The following MCU variants were observed in gnomAD, a reference collection of about 807,000 sequenced individuals.
The protein encoded by MCU is mitochondrial calcium uniporter.
MCU carries 12 observed loss-of-function variants against 45.2 expected under a neutral mutation model. The observed-to-expected ratio is 0.27, with a 90% CI of 0.17 to 0.43. MCU has a LOEUF of 0.43. Among genes scored for constraint, MCU ranks in the 20% least tolerant of loss-of-function variants. The pLI, the probability that MCU is intolerant of heterozygous loss-of-function variation, is 1.00. For missense variants in MCU, 324 were observed against 436.7 expected (o/e 0.74, Z 2.30); for synonymous variants, 160 against 165.1 (o/e 0.97, Z 0.24).
chr10:72,810,329 T>C (rs963665730), intron 1 of MCU, among the ~76,000 whole-genome samples: 1 of 152,006 alleles, frequency 6.6e-6, no homozygotes, highest in Non-Finnish European at 1.5e-5. Context: ...AGGTGACGTC[T>C]TTGACTGAGA....
intron 1 of MCU, among the ~76,000 whole-genome samples, chr10:72,711,581 A>G (rs1458262838): frequency 6.7e-6 from 1 of 149,992 alleles, no homozygotes. Context: ...ACAGTGGCTC[A>G]TACTTATAAT....
chr10:72,725,555 A>G (rs902823520), intron 1 of MCU, among the ~76,000 whole-genome samples: 4 of 152,022 alleles, frequency 2.6e-5, no homozygotes, highest in African/African-American at 4.8e-5. Context: ...GATTACAGGT[A>G]TGAGCCATTG....
intron 4 of MCU, among the ~76,000 whole-genome samples, chr10:72,863,259 C>T (rs1349763701): frequency 6.6e-6 from 1 of 152,202 alleles, no homozygotes; most frequent in East Asian, 1.9e-4. Flanking sequence ...AATGATTAAT[C>T]TCTTCTCTGA....
At chr10:72,733,991 G>GA (rs566787455) in intron 1 of MCU, among the ~76,000 whole-genome samples, 177 of 152,120 alleles carry the variant, frequency 1.2e-3, no homozygotes, top group African/African-American at 3.9e-3. Flanking sequence ...GTCCAAGAAG[G>GA]AAAGAAAAAC....
In MCU at chr10:72,760,715, TC is replaced by T. The variant is rs200251094; in HGVS notation, c.150+68415del. ...TGGTTACTTAAATTTTTTTTTTCTT[TC>T]TTTTTTTTTTTTTTTTTGCAGAGAC... On this transcript the variant is annotated intron_variant, in intron 1 of 7. Transcript: ENST00000373053. 2.8e-3 allele frequency: 398 copies of T among 143,744 alleles called. 34 individuals are homozygous for T. Among genetic ancestry groups the T allele is most frequent in the African/African-American group, 8.2e-3 (312 of 38,106 alleles). 8.9% of individuals were successfully genotyped at this position (143,744 alleles called of 1,614,324 possible).
intron 6 of MCU, among the ~76,000 whole-genome samples, chr10:72,877,977 A>G (rs1353452478): frequency 6.6e-6 from 1 of 152,034 alleles, no homozygotes; most frequent in Non-Finnish European, 1.5e-5. Flanking sequence ...TGTAAATTAG[A>G]TTGAGGTAGT....
chr10:72,797,691 C>T (rs1252748763), intron 1 of MCU, among the ~76,000 whole-genome samples: 4 of 151,674 alleles, frequency 2.6e-5, no homozygotes, highest in Non-Finnish European at 4.4e-5. Context: ...CCCACCACCA[C>T]GCCCGGCTAG....
chr10:72,880,125 C>G (rs1564583060), intron 6 of MCU, among the ~76,000 whole-genome samples: 1 of 152,198 alleles, frequency 6.6e-6, no homozygotes, highest in Non-Finnish European at 1.5e-5. Context: ...TTAAAATGTT[C>G]TAATATTCCT....
chr10:72,741,246 C>T (rs1843327336), intron 1 of MCU, among the ~76,000 whole-genome samples: 1 of 151,850 alleles, frequency 6.6e-6, no homozygotes, highest in African/African-American at 2.4e-5. Context: ...ATTACAGGCG[C>T]CCACCACCAC....
chr10:72,850,641 A>C (rs188432587), intron 2 of MCU, among the ~76,000 whole-genome samples: 9 of 152,290 alleles, frequency 5.9e-5, no homozygotes, highest in Non-Finnish European at 7.3e-5. Flanking sequence ...TCCTTCTTCA[A>C]ATGCAATTGT....
chr10:72,847,613 A>C (rs187293676), intron 2 of MCU, among the ~76,000 whole-genome samples: 3 of 152,364 alleles, frequency 2.0e-5, no homozygotes, highest in Non-Finnish European at 4.4e-5. Flanking sequence ...ATTACTATAA[A>C]ATATAAATAT....
At chr10:72,846,471 C>A (rs79073844) in intron 2 of MCU, among the ~76,000 whole-genome samples, 6,035 of 152,210 alleles carry the variant, frequency 0.04, 391 homozygotes, top group African/African-American at 0.13. Flanking sequence ...ATGCTACTCG[C>A]GCATTAGTCA....
Position 72,798,108 on chromosome 10 carries a change from T to G in MCU, c.151-36251T>G, listed in dbSNP as rs187438941. ...TACAGAGGTAATACATACTCAATGA[T>G]GTATAAAATTTGGACAATACATAAA... On this transcript the variant is annotated intron_variant, in intron 1 of 7. Transcript: ENST00000373053. Among the ~76,000 whole-genome samples the G allele has an allele frequency of 2.0e-3, 310 of 152,266 alleles. 1 individual carries two copies. Among genetic ancestry groups the G allele is most frequent in the African/African-American group, 6.7e-3 (277 of 41,536 alleles).
rs567979223 is a variant in MCU, at chr10:72,710,479, G to A, written c.150+18178G>A. Reference sequence around the variant, plus strand: ...AGCACTAGTGGAAGAAAAGGCAGAAGGTAAACTACTGATGGGAATGCTGTC... The same window carrying A: ...AGCACTAGTGGAAGAAAAGGCAGAAAGTAAACTACTGATGGGAATGCTGTC... On this transcript the variant is annotated intron_variant, in intron 1 of 7. Transcript: ENST00000373053. Among the ~76,000 whole-genome samples the A allele has an allele frequency of 1.4e-3, 208 of 150,220 alleles. 2 individuals are homozygous for A. Among genetic ancestry groups the A allele is most frequent in the African/African-American group, 4.7e-3 (191 of 40,856 alleles).
chr10:72,842,387 A>C (rs1456999986), intron 2 of MCU, among the ~76,000 whole-genome samples: 1 of 152,236 alleles, frequency 6.6e-6, no homozygotes, highest in Admixed American at 6.5e-5. Flanking sequence ...TAATTCTCAG[A>C]CAATTCTTAG....
chr10:72,842,098 G>A (rs968565879), intron 2 of MCU, among the ~76,000 whole-genome samples: 1 of 152,170 alleles, frequency 6.6e-6, no homozygotes, highest in Non-Finnish European at 1.5e-5. Context: ...AGGCAACATG[G>A]TGAAACCGTC....
intron 1 of MCU, among the ~76,000 whole-genome samples, chr10:72,713,662 C>G (rs1057130294): frequency 1.3e-5 from 2 of 152,086 alleles, no homozygotes; most frequent in Non-Finnish European, 2.9e-5. Flanking sequence ...TTGTATTTTT[C>G]TTGTTTTGGA....
chr10:72,707,216 TGAGA>T (rs1268106968), intron 1 of MCU, among the ~76,000 whole-genome samples: 1 of 148,236 alleles, frequency 6.7e-6, no homozygotes, highest in Non-Finnish European at 1.5e-5. Flanking sequence ...TTTTTTTTTT[TGAGA>T]GAGAGTCTTG....
intron 1 of MCU, among the ~76,000 whole-genome samples, chr10:72,743,516 A>G (rs1035277177): frequency 6.6e-6 from 1 of 151,716 alleles, no homozygotes; most frequent in Non-Finnish European, 1.5e-5. Flanking sequence ...CATTCAGCAG[A>G]TATTTACTGA....
Sources: allele counts gnomAD v4.1 joint callset (sites outside exome capture counted in the v4.1 genomes callset), GRCh38; gene constraint gnomAD v4.1.1; transcripts MANE v1.5; gene names NCBI Gene and HGNC (gene_info 2026-07-23, HGNC 2026-07-21).